Variants in ERC2 observed in about 807,000 individuals in gnomAD.
ERC2 encodes ERC protein 2.
In ERC2, 42 loss-of-function variants were observed where a neutral mutation model predicts 114.8. The observed-to-expected ratio is 0.37, with a 90% CI of 0.29 to 0.47. The LOEUF is 0.47. ERC2 is among the 20% of genes least tolerant of loss of function. The pLI is 0.99. For synonymous variants in ERC2, 454 were observed against 425.5 expected, an observed-to-expected ratio of 1.07 and a Z score of -0.82; for missense variants, 939 against 1,150.7, an observed-to-expected ratio of 0.82 and a Z score of 2.66.
At chr3:55,751,124 T>C (rs762007237) in intron 14 of ERC2, among the ~76,000 whole-genome samples, 1 of 152,204 alleles carries the variant, frequency 6.6e-6, no homozygotes, top group Non-Finnish European at 1.5e-5. Flanking sequence ...GTGAGGAACA[T>C]CCTCTTCTGT....
intron 7 of ERC2, among the ~76,000 whole-genome samples, chr3:56,042,827 A>G (rs930639476): frequency 3.3e-5 from 5 of 152,182 alleles, no homozygotes; most frequent in African/African-American, 1.2e-4. Flanking sequence ...AACCAAGACA[A>G]CATGTTTCCA....
At position 56,032,983 on chromosome 3, in the gene ERC2, GAAAGAAAGAA is replaced by G. The variant is rs1192052031; in HGVS notation, c.1642-13962_1642-13953del. Among the ~76,000 whole-genome samples the G allele has an allele frequency of 2.9e-3, 232 of 81,144 alleles. 4 individuals are homozygous for G. Among genetic ancestry groups the G allele is most frequent in the African/African-American group, 5.9e-3 (142 of 23,920 alleles). 53.2% of individuals were successfully genotyped at this position (81,144 alleles called of 152,430 possible). Reference sequence around the variant, plus strand: ...ACAGAAAGAAAGAAAGAAAGAGAAAGAAAGAAAGAAAGAAAGAAAGAAAGAAAGAAAGAAA... The same window carrying G: ...ACAGAAAGAAAGAAAGAAAGAGAAAGAGAAAGAAAGAAAGAAAGAAAGAAA... On this transcript the variant is annotated intron_variant, in intron 7 of 17. Coordinates refer to ENST00000288221, the MANE Select transcript of ERC2 (RefSeq NM_015576.3).
chr3:56,438,037 A>T (rs1180732624), intron 1 of ERC2, among the ~76,000 whole-genome samples: 1 of 152,168 alleles, frequency 6.6e-6, no homozygotes, highest in Non-Finnish European at 1.5e-5. Flanking sequence ...GCATACTCTA[A>T]ATTTTCTACA....
intron 13 of ERC2, among the ~76,000 whole-genome samples, chr3:55,899,099 T>A (rs2063987448): frequency 6.6e-6 from 1 of 152,238 alleles, no homozygotes; most frequent in South Asian, 2.1e-4. Flanking sequence ...GCTACTGCAT[T>A]AGAAAGAACA....
intron 6 of ERC2, among the ~76,000 whole-genome samples, chr3:56,090,107 T>C (rs1162486129): frequency 6.6e-6 from 1 of 152,172 alleles, no homozygotes; most frequent in Non-Finnish European, 1.5e-5. Context: ...CTTGATGAAA[T>C]AAGAACTCAG....
chr3:55,848,452 C>T (rs2061451223), intron 14 of ERC2, among the ~76,000 whole-genome samples: 1 of 152,202 alleles, frequency 6.6e-6, no homozygotes, highest in African/African-American at 2.4e-5. Context: ...ACCGCAGAGG[C>T]ATCCTCGCAT....
chr3:55,722,406 A>G (rs1167157076), intron 15 of ERC2, among the ~76,000 whole-genome samples: 1 of 151,952 alleles, frequency 6.6e-6, no homozygotes, highest in Non-Finnish European at 1.5e-5. Context: ...GGGCTTCCAC[A>G]TGGCTCACCC....
At chr3:56,091,935 G>C in intron 6 of ERC2, among the ~76,000 whole-genome samples, 1 of 151,320 alleles carries the variant, frequency 6.6e-6, no homozygotes, top group East Asian at 1.9e-4. Context: ...ACTTCATTTA[G>C]CAGTCAAAAA....
chr3:55,832,557 A>G (rs2060653566), intron 14 of ERC2, among the ~76,000 whole-genome samples: 1 of 152,260 alleles, frequency 6.6e-6, no homozygotes, highest in Non-Finnish European at 1.5e-5. Context: ...CCTGTGTGTT[A>G]GAAGGAAAAC....
chr3:56,159,896 A>G (rs548249218), intron 4 of ERC2, among the ~76,000 whole-genome samples: 1 of 152,256 alleles, frequency 6.6e-6, no homozygotes, highest in East Asian at 1.9e-4. Flanking sequence ...AGCGTTCTTC[A>G]TCTAGTACAC....
At chr3:56,044,567 GCACTTCAGTACT>G (rs2075366884) in intron 7 of ERC2, among the ~76,000 whole-genome samples, 1 of 151,960 alleles carries the variant, frequency 6.6e-6, no homozygotes, top group Admixed American at 6.6e-5. Flanking sequence ...GAAAATTGTA[GCACTTCAGTACT>G]CAAGAAACTA....
At chr3:55,629,535 A>G (rs1484542593) in intron 17 of ERC2, among the ~76,000 whole-genome samples, 1 of 152,218 alleles carries the variant, frequency 6.6e-6, no homozygotes, top group Non-Finnish European at 1.5e-5. Context: ...ATTGTATTCT[A>G]AATGACCAAA....
At chr3:56,317,942 GAGA>G (rs1488039674) in intron 2 of ERC2, among the ~76,000 whole-genome samples, 18 of 152,178 alleles carry the variant, frequency 1.2e-4, no homozygotes, top group African/African-American at 3.4e-4. Flanking sequence ...GATATTTTCA[GAGA>G]AGAAGATTTT....
chr3:55,997,463 C>T (rs1338198627), intron 10 of ERC2, among the ~76,000 whole-genome samples: 1 of 149,446 alleles, frequency 6.7e-6, no homozygotes, highest in Non-Finnish European at 1.5e-5. Flanking sequence ...TAAAATATTA[C>T]ATTTTAAAAG....
intron 7 of ERC2, among the ~76,000 whole-genome samples, chr3:56,059,161 GC>G (rs1416671249): frequency 1.3e-5 from 2 of 151,678 alleles, no homozygotes; most frequent in Non-Finnish European, 2.9e-5. Context: ...CGCCATCTCG[GC>G]TCACTGCAAC....
At chr3:55,799,173 T>C (rs907603991) in intron 14 of ERC2, among the ~76,000 whole-genome samples, 6 of 151,890 alleles carry the variant, frequency 4.0e-5, no homozygotes, top group African/African-American at 7.2e-5. Flanking sequence ...CATGGCTCAA[T>C]GTATAAAGTG....
chr3:55,576,337 A>G (rs2056979934), intron 17 of ERC2, among the ~76,000 whole-genome samples: 1 of 151,910 alleles, frequency 6.6e-6, no homozygotes, highest in Non-Finnish European at 1.5e-5. Context: ...AATCCAAAAT[A>G]AAAACATTAA....
At chr3:55,587,340 C>G (rs939095121) in intron 17 of ERC2, among the ~76,000 whole-genome samples, 1 of 152,164 alleles carries the variant, frequency 6.6e-6, no homozygotes, top group Non-Finnish European at 1.5e-5. Flanking sequence ...TTTAGTGTCA[C>G]TGCACCCAGC....
chr3:56,328,408 T>C (rs1463131992), intron 2 of ERC2, among the ~76,000 whole-genome samples: 2 of 152,216 alleles, frequency 1.3e-5, no homozygotes, highest in Admixed American at 1.3e-4. Flanking sequence ...AGTAGTGCTT[T>C]GTACACTACA....
Sources: allele counts gnomAD v4.1 joint callset (sites outside exome capture counted in the v4.1 genomes callset), GRCh38; gene constraint gnomAD v4.1.1; transcripts MANE v1.5; gene names NCBI Gene and HGNC (gene_info 2026-07-23, HGNC 2026-07-21).